Variants in LRMDA observed in about 807,000 individuals in gnomAD.
LRMDA encodes leucine-rich melanocyte differentiation-associated protein.
In LRMDA, 18 loss-of-function variants were observed where a neutral mutation model predicts 29.8. The ratio of observed to expected loss-of-function variants is 0.60; its 90% confidence interval spans 0.42 to 0.90. The LOEUF is 0.90. Among genes scored for constraint, LRMDA ranks in the 40% least tolerant of loss-of-function variants. The pLI, the probability that LRMDA is intolerant of heterozygous loss-of-function variation, is 0.00. For missense variants in LRMDA, 273 were observed against 273.9 expected (o/e 1.00, Z 0.02); for synonymous variants, 125 against 109.4 (o/e 1.14, Z -0.89).
intron 6 of LRMDA, among the ~76,000 whole-genome samples, chr10:76,434,374 T>C (rs1209809173): frequency 6.6e-6 from 1 of 151,990 alleles, no homozygotes; most frequent in Non-Finnish European, 1.5e-5. Context: ...CTCCTATCTC[T>C]TCACTCCCTC....
intron 2 of LRMDA, among the ~76,000 whole-genome samples, chr10:75,453,782 C>T (rs1012617838): frequency 3.3e-5 from 5 of 152,212 alleles, no homozygotes; most frequent in Non-Finnish European, 7.3e-5. Context: ...GCATTGCCCA[C>T]TCGCTCGCAT....
chr10:76,361,301 G>C (rs1841309205), intron 6 of LRMDA, among the ~76,000 whole-genome samples: 1 of 151,760 alleles, frequency 6.6e-6, no homozygotes, highest in East Asian at 1.9e-4. Context: ...AATGAAGGGG[G>C]ACCAGGATAG....
chr10:75,934,732 A>G (rs1305797106), intron 2 of LRMDA, among the ~76,000 whole-genome samples: 1 of 152,160 alleles, frequency 6.6e-6, no homozygotes, highest in African/African-American at 2.4e-5. Context: ...TTTCCTGTTC[A>G]TCTGGGAATG....
chr10:76,084,364 A>ATTTTTTTTTTTT (rs71024586), intron 5 of LRMDA, among the ~76,000 whole-genome samples: 13 of 70,928 alleles, frequency 1.8e-4, no homozygotes, highest in Non-Finnish European at 3.1e-4. Context: ...CGCCCAGCTA[A>ATTTTTTTTTTTT]TTTTTTTTTT....
intron 5 of LRMDA, among the ~76,000 whole-genome samples, chr10:76,208,203 G>GA (rs1383542585): frequency 6.6e-6 from 1 of 152,066 alleles, no homozygotes; most frequent in African/African-American, 2.4e-5. Flanking sequence ...AAATGCTTTG[G>GA]AAAAATTTCA....
At chr10:76,055,063 C>CAAAAAAAAAAAAAA (rs531729040) in intron 4 of LRMDA, among the ~76,000 whole-genome samples, 45 of 45,904 alleles carry the variant, frequency 9.8e-4, no homozygotes, top group South Asian at 2.5e-3. Context: ...GACTCCATCT[C>CAAAAAAAAAAAAAA]AAAAAAAAAA....
At chr10:75,948,962 G>A (rs535770957) in intron 2 of LRMDA, among the ~76,000 whole-genome samples, 2 of 151,986 alleles carry the variant, frequency 1.3e-5, no homozygotes, top group East Asian at 3.9e-4. Context: ...CTGGCTTTGA[G>A]AACCCTGCTT....
chr10:76,308,895 C>T (rs974014548), intron 5 of LRMDA, among the ~76,000 whole-genome samples: 2 of 152,178 alleles, frequency 1.3e-5, no homozygotes, highest in African/African-American at 4.8e-5. Context: ...CAAATCAATT[C>T]AGCCTTCAGA....
intron 6 of LRMDA, among the ~76,000 whole-genome samples, chr10:76,547,281 G>T (rs780971548): frequency 1.3e-5 from 2 of 152,142 alleles, no homozygotes; most frequent in Admixed American, 1.3e-4. Flanking sequence ...GAGCCTGGAA[G>T]ATTAATTAGA....
intron 5 of LRMDA, among the ~76,000 whole-genome samples, chr10:76,078,423 C>T (rs543369229): frequency 1.3e-5 from 2 of 152,102 alleles, no homozygotes; most frequent in South Asian, 4.2e-4. Context: ...AATTATTGGA[C>T]CTGTTATTAC....
chr10:76,369,654 G>T (rs1392093384), intron 6 of LRMDA, among the ~76,000 whole-genome samples: 2 of 152,106 alleles, frequency 1.3e-5, no homozygotes, highest in East Asian at 1.9e-4. Flanking sequence ...TGGCTGTCTA[G>T]GTCTCTTGCA....
intron 2 of LRMDA, among the ~76,000 whole-genome samples, chr10:75,966,699 G>A (rs1846866623): frequency 4.6e-5 from 7 of 152,208 alleles, no homozygotes; most frequent in Admixed American, 4.6e-4. Flanking sequence ...GTGGGGCTGA[G>A]GGGAATGTAG....
intron 2 of LRMDA, among the ~76,000 whole-genome samples, chr10:76,017,092 A>G (rs1442842190): frequency 6.6e-6 from 1 of 152,242 alleles, no homozygotes; most frequent in Non-Finnish European, 1.5e-5. Flanking sequence ...CTCATACTGG[A>G]GCAGGGTAGG....
At chr10:75,754,471 A>G (rs1843005319) in intron 2 of LRMDA, among the ~76,000 whole-genome samples, 1 of 152,252 alleles carries the variant, frequency 6.6e-6, no homozygotes, top group African/African-American at 2.4e-5. Context: ...GCATTACAAT[A>G]AATTCAGTCA....
intron 2 of LRMDA, among the ~76,000 whole-genome samples, chr10:75,652,249 G>T (rs1459546162): frequency 6.6e-6 from 1 of 152,196 alleles, no homozygotes; most frequent in Non-Finnish European, 1.5e-5. Context: ...ACCTCCTGAC[G>T]TTGTGTAACA....
At chr10:76,545,813 G>A (rs777571431) in intron 6 of LRMDA, among the ~76,000 whole-genome samples, 9 of 152,004 alleles carry the variant, frequency 5.9e-5, no homozygotes, top group Middle Eastern at 3.2e-3. Flanking sequence ...GATTTTACAA[G>A]AGTAAAAAGC....
intron 2 of LRMDA, among the ~76,000 whole-genome samples, chr10:75,968,144 T>C (rs537945613): frequency 2.1e-4 from 32 of 152,066 alleles, no homozygotes; most frequent in Non-Finnish European, 4.0e-4. Flanking sequence ...TCTGTGGTCT[T>C]GGTGGACAGG....
At chr10:75,495,498 C>T (rs774060413) in intron 2 of LRMDA, among the ~76,000 whole-genome samples, 1 of 152,168 alleles carries the variant, frequency 6.6e-6, no homozygotes, top group Non-Finnish European at 1.5e-5. Context: ...GCCTGCCGTA[C>T]AGAGGAAAAA....
intron 6 of LRMDA, among the ~76,000 whole-genome samples, chr10:76,465,210 A>G (rs187007824): frequency 2.0e-5 from 3 of 152,294 alleles, no homozygotes; most frequent in East Asian, 1.9e-4. Flanking sequence ...TACCACTCCT[A>G]TGACACTAAG....
Sources: gnomAD v4.1 joint callset for allele counts (sites outside exome capture counted in the v4.1 genomes callset) on GRCh38, gnomAD v4.1.1 for gene constraint, MANE v1.5 for transcripts, NCBI Gene and HGNC (gene_info 2026-07-23, HGNC 2026-07-21) for gene names.